Variants in STK32C observed in about 807,000 individuals in gnomAD.
STK32C encodes the protein serine/threonine-protein kinase 32C.
A neutral mutation model predicts 56.5 loss-of-function variants in STK32C; 31 were observed. That is an observed-to-expected ratio of 0.55 (90% CI 0.41 to 0.74). The LOEUF is 0.74. Ranked by LOEUF, STK32C falls within the 30% of genes least tolerant of loss-of-function variation. The pLI, the probability that STK32C is intolerant of heterozygous loss-of-function variation, is 0.00. For missense variants in STK32C, 544 were observed against 676.9 expected (o/e 0.80, Z 2.18); for synonymous variants, 309 against 289.4 (o/e 1.07, Z -0.69).
chr10:132,210,671 G>A (rs538135675), intron 10 of STK32C, among the ~76,000 whole-genome samples: 3 of 152,364 alleles, frequency 2.0e-5, no homozygotes, highest in South Asian at 2.1e-4. Context: ...ATTTGCTGAC[G>A]TGCGTCACAC....
chr10:132,308,513 G>C (rs1485068397), upstream of STK32C, among the ~76,000 whole-genome samples: 2 of 150,776 alleles, frequency 1.3e-5, no homozygotes, highest in African/African-American at 2.4e-5. Flanking sequence ...AATCTGCCGG[G>C]CAGAGCCCGG....
chr10:132,310,625 C>T (rs1407744067), upstream of STK32C, among the ~76,000 whole-genome samples: 2 of 152,166 alleles, frequency 1.3e-5, no homozygotes, highest in East Asian at 3.8e-4. This position sits in a 1 kb window ranked among gnomAD's most constrained non-coding sequence, Gnocchi z 4.6. Flanking sequence ...CCTGAGTTCC[C>T]CTGTGTGCCC....
At chr10:132,225,861 G>A (rs2062870958) in intron 4 of STK32C, 77 bp from the exon 5 acceptor site, 19 of 1,585,806 alleles carry the variant, frequency 1.2e-5, no homozygotes, top group Non-Finnish European at 1.6e-5. Flanking sequence ...CACAATCCCT[G>A]GAGTCCCCAG....
chr10:132,231,794 T>C (rs2137775252), intron 2 of STK32C, among the ~76,000 whole-genome samples: 1 of 152,282 alleles, frequency 6.6e-6, no homozygotes, highest in South Asian at 2.1e-4. Context: ...GATGTGAAGA[T>C]GCCAGCCTGG....
chr10:132,265,547 C>A (rs1419800460), intron 1 of STK32C, among the ~76,000 whole-genome samples: 2 of 152,182 alleles, frequency 1.3e-5, no homozygotes, highest in Non-Finnish European at 2.9e-5. Flanking sequence ...GGAGGGCAGG[C>A]CCATCAGCCC....
chr10:132,211,172 C>T (rs189131767), intron 10 of STK32C, among the ~76,000 whole-genome samples: 31 of 152,242 alleles, frequency 2.0e-4, no homozygotes, highest in African/African-American at 7.2e-4. Flanking sequence ...TGCTGTGTCT[C>T]AGCACTCTCT....
At chr10:132,268,843 A>G (rs981013788) in intron 1 of STK32C, among the ~76,000 whole-genome samples, 4 of 140,468 alleles carry the variant, frequency 2.8e-5, no homozygotes, top group Non-Finnish European at 6.0e-5. Context: ...ATGCAGGTGC[A>G]GCTCTATGCC....
At chr10:132,241,126 C>T (rs2063485590) in intron 2 of STK32C, among the ~76,000 whole-genome samples, 1 of 152,230 alleles carries the variant, frequency 6.6e-6, no homozygotes, top group African/African-American at 2.4e-5. Flanking sequence ...TTCCCAGGAG[C>T]ACCAGCCACA....
intron 1 of STK32C, among the ~76,000 whole-genome samples, chr10:132,299,837 T>C (rs1256266507): frequency 2.0e-5 from 3 of 152,266 alleles, no homozygotes; most frequent in Admixed American, 6.5e-5. Context: ...GCCCTGTTAT[T>C]GGGCACAAGA....
chr10:132,233,935 C>G (rs191883829), intron 2 of STK32C, among the ~76,000 whole-genome samples: 1 of 152,350 alleles, frequency 6.6e-6, no homozygotes, highest in Admixed American at 6.5e-5. Flanking sequence ...CTTGGAAGAG[C>G]AGATGGGCTG....
In STK32C at chr10:132,209,425, G is replaced by C. The variant is rs112413350; in HGVS notation, c.1252-324C>G. ...TTTGCTGGAAACCACTCCCTTGCCG[G>C]GCCTTTCCCGTCTCATACCGGGTTC... On this transcript the variant is annotated intron_variant, in intron 10 of 11. Transcript: ENST00000298630. The C allele has an allele frequency of 1.3e-3, 709 of 551,552 alleles. 4 individuals are homozygous for C. Among genetic ancestry groups the C allele is most frequent in the African/African-American group, 0.011 (593 of 54,088 alleles). The allele number at this position is 551,552 out of a possible 1,614,324, so 34.2% of individuals were successfully genotyped here. A position where few individuals can be genotyped will look rare whatever the true frequency, so the allele number is the denominator to read the frequency against.
At chr10:132,329,100 TTAAAA>T (rs927584891) in intron 1 of STK32C, among the ~76,000 whole-genome samples, 5 of 152,266 alleles carry the variant, frequency 3.3e-5, no homozygotes, top group African/African-American at 1.2e-4. Flanking sequence ...AAAGCACAGT[TTAAAA>T]TAAATGTGTC....
intron 1 of STK32C, among the ~76,000 whole-genome samples, chr10:132,318,762 GTTTAT>G (rs774083908): frequency 6.4e-4 from 97 of 151,860 alleles, no homozygotes; most frequent in Admixed American, 1.0e-3. Context: ...ATTGCTTTTA[GTTTAT>G]TTTTTCTTCT....
At chr10:132,275,748 T>C (rs772648842) in intron 1 of STK32C, among the ~76,000 whole-genome samples, 1 of 152,190 alleles carries the variant, frequency 6.6e-6, no homozygotes, top group African/African-American at 2.4e-5. Flanking sequence ...TCTGCCTTCC[T>C]GGGAAATCCC....
At chr10:132,259,368 T>C (rs954598501) in intron 1 of STK32C, among the ~76,000 whole-genome samples, 13 of 152,212 alleles carry the variant, frequency 8.5e-5, no homozygotes, top group Admixed American at 3.3e-4. Context: ...TCCCCAGTGT[T>C]GGAGGAGGGT....
intron 10 of STK32C, among the ~76,000 whole-genome samples, chr10:132,212,721 G>C (rs1284737717): frequency 6.6e-6 from 1 of 152,252 alleles, no homozygotes; most frequent in Non-Finnish European, 1.5e-5. Flanking sequence ...GAAACACAGA[G>C]ACGAGCAAGG....
intron 2 of STK32C, among the ~76,000 whole-genome samples, chr10:132,234,403 C>T (rs908835913): frequency 1.3e-5 from 2 of 152,214 alleles, no homozygotes; most frequent in Admixed American, 1.3e-4. Flanking sequence ...TCTGAAACAG[C>T]GGGGGTTCCT....
rs149785665 is a variant in STK32C, at chr10:132,230,913, G to A, written c.319-2785C>T. On this transcript the variant is annotated intron_variant, in intron 2 of 11. Transcript: ENST00000298630. ...GGAAGAACACGCCTTCCCTTGGGGT[G>A]CTCAACCCCCACAGCCCACTCACCA... is the stretch of plus-strand genomic sequence containing the variant. Among the ~76,000 whole-genome samples, 313 of 152,316 alleles carry A rather than the reference G, an allele frequency of 2.1e-3. 2 individuals carry two copies. Among genetic ancestry groups the A allele is most frequent in the African/African-American group, 6.9e-3 (285 of 41,568 alleles).
chr10:132,301,554 C>T (rs921710835), intron 1 of STK32C, among the ~76,000 whole-genome samples: 3 of 152,176 alleles, frequency 2.0e-5, no homozygotes, highest in Non-Finnish European at 4.4e-5. Flanking sequence ...ATGCTCCGCC[C>T]AAAAGCACGG....
Sources: allele counts gnomAD v4.1 joint callset (sites outside exome capture counted in the v4.1 genomes callset), GRCh38; gene constraint gnomAD v4.1.1; non-coding constraint Gnocchi (gnomAD v3.1); transcripts MANE v1.5; gene names NCBI Gene and HGNC (gene_info 2026-07-23, HGNC 2026-07-21).